Variants in RPS6KC1 observed in about 807,000 individuals in gnomAD.
RPS6KC1 encodes the protein inactive ribosomal protein S6 kinase delta-1.
Under a neutral mutation model 103.8 loss-of-function variants are expected in RPS6KC1, and 54 were observed. The ratio of observed to expected loss-of-function variants is 0.52; its 90% CI spans 0.42 to 0.65. RPS6KC1 has a LOEUF of 0.65. RPS6KC1 is among the 30% of genes least tolerant of loss of function. The pLI is 0.00. For missense variants in RPS6KC1, 1,151 were observed against 1,253.8 expected (o/e 0.92, Z 1.24); for synonymous variants, 439 against 438.7 (o/e 1.00, Z -0.01).
the RPS6KC1 span, among the ~76,000 whole-genome samples, chr1:213,310,295 A>G: frequency 6.6e-6 from 1 of 152,086 alleles, no homozygotes; most frequent in South Asian, 2.1e-4. Flanking sequence ...CCAGGTCCTC[A>G]CAGAGGTTAT....
chr1:213,413,983 G>T, the RPS6KC1 span, among the ~76,000 whole-genome samples: 1 of 152,208 alleles, frequency 6.6e-6, no homozygotes, highest in African/African-American at 2.4e-5. Context: ...AAGCCAGGAG[G>T]TCTGTCTGTC....
At chr1:213,134,560 A>C (rs1054825638) in intron 6 of RPS6KC1, among the ~76,000 whole-genome samples, 20 of 152,124 alleles carry the variant, frequency 1.3e-4, no homozygotes, top group Non-Finnish European at 1.5e-5. Context: ...AGCAGTACCA[A>C]ACCATTTTTT....
chr1:213,626,766 G>A, the RPS6KC1 span, among the ~76,000 whole-genome samples: 21 of 152,108 alleles, frequency 1.4e-4, no homozygotes, highest in African/African-American at 5.1e-4. Flanking sequence ...TGAGGGCTCT[G>A]TTCTGTTCCA....
chr1:213,448,260 A>AAAAG, the RPS6KC1 span, among the ~76,000 whole-genome samples: 78,278 of 142,338 alleles, frequency 0.55, 22,398 homozygotes, highest in East Asian at 0.71. Flanking sequence ...AAAAAGAAAA[A>AAAAG]AAAGAAACTA....
At chr1:213,801,886 T>C in the RPS6KC1 span, among the ~76,000 whole-genome samples, 2,812 of 152,196 alleles carry the variant, frequency 0.018, 100 homozygotes, top group African/African-American at 0.065. Flanking sequence ...AGAGAAGAGG[T>C]AGGTGGCTAA....
At chr1:213,295,511 T>C in the RPS6KC1 span, among the ~76,000 whole-genome samples, 1 of 152,228 alleles carries the variant, frequency 6.6e-6, no homozygotes, top group African/African-American at 2.4e-5. Flanking sequence ...CAAATTTTGA[T>C]TCATATATTG....
the RPS6KC1 span, among the ~76,000 whole-genome samples, chr1:213,652,586 T>A: frequency 6.6e-6 from 1 of 152,236 alleles, no homozygotes; most frequent in Non-Finnish European, 1.5e-5. Context: ...ACAAAAATGA[T>A]GTTACATGAA....
At chr1:213,434,545 T>C in the RPS6KC1 span, among the ~76,000 whole-genome samples, 3 of 152,132 alleles carry the variant, frequency 2.0e-5, no homozygotes, top group Non-Finnish European at 2.9e-5. Context: ...AACCTCCGCC[T>C]CCTGGGTTCA....
At chr1:213,744,809 G>C in the RPS6KC1 span, among the ~76,000 whole-genome samples, 4 of 152,230 alleles carry the variant, frequency 2.6e-5, no homozygotes, top group African/African-American at 9.6e-5. Flanking sequence ...CTGCTGGTCA[G>C]CGTGGAGGCT....
chr1:213,307,122 G>T, the RPS6KC1 span, among the ~76,000 whole-genome samples: 7 of 149,504 alleles, frequency 4.7e-5, no homozygotes, highest in East Asian at 1.4e-3. Flanking sequence ...GAGTGCAGTG[G>T]CGCGATCTTG....
At chr1:213,696,698 T>A in the RPS6KC1 span, among the ~76,000 whole-genome samples, 1 of 152,154 alleles carries the variant, frequency 6.6e-6, no homozygotes, top group Non-Finnish European at 1.5e-5. Flanking sequence ...ATGGCTACCA[T>A]TATTCTTCAA....
the RPS6KC1 span, among the ~76,000 whole-genome samples, chr1:213,338,691 C>T: frequency 6.6e-6 from 1 of 151,888 alleles, no homozygotes; most frequent in Non-Finnish European, 1.5e-5. Context: ...TGAATCTGGG[C>T]TGGCTTTGTG....
chr1:213,218,304 A>G (rs1042882832), intron 8 of RPS6KC1, among the ~76,000 whole-genome samples: 2 of 152,130 alleles, frequency 1.3e-5, no homozygotes, highest in Non-Finnish European at 2.9e-5. Flanking sequence ...CTAGGAATCC[A>G]ACTTACAAGG....
At chr1:213,171,352 C>CTT (rs912684123) in intron 7 of RPS6KC1, among the ~76,000 whole-genome samples, 1 of 138,348 alleles carries the variant, frequency 7.2e-6, no homozygotes, top group African/African-American at 2.6e-5. Flanking sequence ...AGATTTCTTT[C>CTT]TTTTTTTTTT....
At chr1:213,222,494 G>A (rs972530026) in intron 8 of RPS6KC1, among the ~76,000 whole-genome samples, 9 of 152,038 alleles carry the variant, frequency 5.9e-5, no homozygotes, top group African/African-American at 1.9e-4. Context: ...GCTCTTGATG[G>A]TGCAGCTTCT....
At chr1:213,343,877 A>G in the RPS6KC1 span, among the ~76,000 whole-genome samples, 1 of 152,122 alleles carries the variant, frequency 6.6e-6, no homozygotes, top group Non-Finnish European at 1.5e-5. Context: ...TCAGATTGCC[A>G]CTCCATTCTC....
intron 6 of RPS6KC1, among the ~76,000 whole-genome samples, chr1:213,151,825 A>G (rs1252965701): frequency 4.5e-3 from 198 of 43,922 alleles, no homozygotes; most frequent in Middle Eastern, 0.018. Context: ...TGGCCGGGCG[A>G]GGGGCTGACC....
chr1:213,298,823 A>G, the RPS6KC1 span, among the ~76,000 whole-genome samples: 1 of 151,792 alleles, frequency 6.6e-6, no homozygotes, highest in East Asian at 1.9e-4. Context: ...TATTTTTTCC[A>G]TTTCCAGCAT....
chr1:213,781,445 A>T, the RPS6KC1 span, among the ~76,000 whole-genome samples: 2 of 152,200 alleles, frequency 1.3e-5, no homozygotes, highest in Non-Finnish European at 2.9e-5. Context: ...TCCTTGGATG[A>T]AAGGAAGACT....
Sources: gnomAD v4.1 joint callset for allele counts (sites outside exome capture counted in the v4.1 genomes callset) on GRCh38, gnomAD v4.1.1 for gene constraint, MANE v1.5 for transcripts, NCBI Gene and HGNC (gene_info 2026-07-23, HGNC 2026-07-21) for gene names.